ANKFN1: variants seen among roughly 807,000 people sequenced by gnomAD.
ANKFN1 encodes the protein ankyrin repeat and fibronectin type-III domain-containing protein 1.
Under a neutral mutation model 108.7 loss-of-function variants are expected in ANKFN1, and 74 were observed. The observed-to-expected ratio is 0.68, with a 90% CI of 0.56 to 0.83. The LOEUF is 0.83. Ranked by LOEUF, ANKFN1 falls within the 40% of genes least tolerant of loss-of-function variation. The probability of loss-of-function intolerance (pLI) is 0.00; values close to 1 mark genes in which losing one functional copy is unlikely to be tolerated. For missense variants in ANKFN1, 1,505 were observed against 1,382.3 expected, an observed-to-expected ratio of 1.09 and a Z score of -1.41; for synonymous variants, 547 against 516.2, an observed-to-expected ratio of 1.06 and a Z score of -0.81.
At chr17:56,197,232 A>G (rs1438436535) in intron 1 of ANKFN1, among the ~76,000 whole-genome samples, 1 of 152,182 alleles carries the variant, frequency 6.6e-6, no homozygotes, top group East Asian at 1.9e-4. Flanking sequence ...ATTTATAAAA[A>G]CACAGACCTA....
At chr17:56,199,508 T>C (rs1913850807) in intron 1 of ANKFN1, among the ~76,000 whole-genome samples, 1 of 152,150 alleles carries the variant, frequency 6.6e-6, no homozygotes, top group African/African-American at 2.4e-5. Context: ...AATCACAAAA[T>C]CAATTTTGAT....
intron 1 of ANKFN1, among the ~76,000 whole-genome samples, chr17:56,199,387 T>C (rs1913839413): frequency 6.6e-6 from 1 of 152,168 alleles, no homozygotes; most frequent in Admixed American, 6.5e-5. Context: ...TTTAAGAAGA[T>C]ATTTTCTGAA....
intron 19 of ANKFN1, among the ~76,000 whole-genome samples, chr17:56,496,871 T>G (rs1322035210): frequency 6.6e-6 from 1 of 152,146 alleles, no homozygotes; most frequent in Non-Finnish European, 1.5e-5. Flanking sequence ...TTATAAAAAC[T>G]GAAAATTTTA....
At chr17:56,480,857 C>T (rs1257811749) in intron 17 of ANKFN1, 39 bp downstream of exon 17, 7 of 1,593,492 alleles carry the variant, frequency 4.4e-6, no homozygotes, top group Admixed American at 1.7e-5. Flanking sequence ...TTTTTTATGG[C>T]TCATGGAAAC....
intron 4 of ANKFN1, among the ~76,000 whole-genome samples, chr17:56,111,767 CATAATT>C (rs1000855064): frequency 2.0e-5 from 3 of 152,138 alleles, no homozygotes; most frequent in African/African-American, 7.2e-5. Flanking sequence ...AACTAGCTAA[CATAATT>C]ATAAAGTACA....
At chr17:56,274,002 C>A in intron 3 of ANKFN1, among the ~76,000 whole-genome samples, 1 of 152,152 alleles carries the variant, frequency 6.6e-6, no homozygotes. Flanking sequence ...CCCCAAGAGC[C>A]TGGGCCAAAA....
intron 8 of ANKFN1, among the ~76,000 whole-genome samples, chr17:56,430,105 C>G (rs534341399): frequency 9.1e-4 from 139 of 152,158 alleles, no homozygotes; most frequent in African/African-American, 3.0e-3. Context: ...CTGTTTTCAT[C>G]TGTAAGAAAT....
intron 3 of ANKFN1, among the ~76,000 whole-genome samples, chr17:56,298,650 G>A (rs917759238): frequency 6.6e-6 from 1 of 151,730 alleles, no homozygotes; most frequent in Non-Finnish European, 1.5e-5. Context: ...CAAGCAAATA[G>A]TTGTTTTTTC....
At chr17:56,381,365 T>G (rs2047098274) in intron 8 of ANKFN1, among the ~76,000 whole-genome samples, 1 of 152,136 alleles carries the variant, frequency 6.6e-6, no homozygotes, top group Non-Finnish European at 1.5e-5. Context: ...CTGGAAACTC[T>G]AAAAAGCAGA....
chr17:56,425,331 C>T (rs908243292), intron 8 of ANKFN1, among the ~76,000 whole-genome samples: 1 of 152,188 alleles, frequency 6.6e-6, no homozygotes, highest in East Asian at 1.9e-4. Context: ...CACAATTTAA[C>T]TGGTACCACA....
intron 4 of ANKFN1, among the ~76,000 whole-genome samples, chr17:56,125,789 CCAGGCA>C (rs1906890497): frequency 6.6e-6 from 1 of 152,182 alleles, no homozygotes. Flanking sequence ...TGGAAATGCT[CCAGGCA>C]CAGGTAAAGC....
intron 8 of ANKFN1, among the ~76,000 whole-genome samples, chr17:56,393,092 G>A (rs1175911938): frequency 6.6e-6 from 1 of 152,012 alleles, no homozygotes; most frequent in Non-Finnish European, 1.5e-5. Context: ...ATGGTATAGT[G>A]ACTCTTTCTC....
At chr17:56,175,569 G>A (rs1210623240) in intron 1 of ANKFN1, among the ~76,000 whole-genome samples, 1 of 152,164 alleles carries the variant, frequency 6.6e-6, no homozygotes, top group Non-Finnish European at 1.5e-5. Context: ...TGAAGTCAGA[G>A]CCAGTGAGGC....
At chr17:56,381,380 C>T (rs1167998898) in intron 8 of ANKFN1, among the ~76,000 whole-genome samples, 5 of 152,192 alleles carry the variant, frequency 3.3e-5, no homozygotes, top group African/African-American at 1.2e-4. Flanking sequence ...AGCAGAGTGC[C>T]TCTCCTCCTC....
intron 8 of ANKFN1, among the ~76,000 whole-genome samples, chr17:56,438,025 T>C (rs545641206): frequency 3.1e-4 from 47 of 151,432 alleles, no homozygotes; most frequent in African/African-American, 1.1e-3. Context: ...TATATGCATT[T>C]GATTTGTAAG....
chr17:56,224,513 T>C (rs1458151050), intron 2 of ANKFN1: 1 of 152,214 alleles, frequency 6.6e-6, no homozygotes, highest in Non-Finnish European at 1.5e-5. Flanking sequence ...TATACTCGCA[T>C]TGATGCAACT....
chr17:56,383,354 C>T (rs1206591602), intron 8 of ANKFN1, among the ~76,000 whole-genome samples: 8 of 152,108 alleles, frequency 5.3e-5, no homozygotes, highest in African/African-American at 1.9e-4. Context: ...ATTTATAGCA[C>T]TAAATGCCCC....
At chr17:56,402,786 T>A (rs1481204693) in intron 8 of ANKFN1, among the ~76,000 whole-genome samples, 1 of 152,166 alleles carries the variant, frequency 6.6e-6, no homozygotes, top group Non-Finnish European at 1.5e-5. Flanking sequence ...TTCCTTGAGG[T>A]GTGACCTTAG....
chr17:56,358,974 C>T (rs1413825698), intron 6 of ANKFN1, among the ~76,000 whole-genome samples: 1 of 152,122 alleles, frequency 6.6e-6, no homozygotes, highest in Non-Finnish European at 1.5e-5. Context: ...CGATGGGAGT[C>T]TTGCCTTTCT....
Sources: gnomAD v4.1 joint callset for allele counts (sites outside exome capture counted in the v4.1 genomes callset) on GRCh38, gnomAD v4.1.1 for gene constraint, MANE v1.5 for transcripts, NCBI Gene and HGNC (gene_info 2026-07-23, HGNC 2026-07-21) for gene names.